The following LYSMD4 variants were observed in gnomAD, a reference collection of about 807,000 sequenced individuals.
LYSMD4 encodes LysM domain containing 4.
A neutral mutation model predicts 6.1 loss-of-function variants in LYSMD4; 9 were observed. The ratio of observed to expected loss-of-function variants is 1.47; its 90% CI spans 0.88 to 2.56. The LOEUF is 2.56. Among genes scored for constraint, LYSMD4 ranks in the 30% most tolerant of loss-of-function variants. The probability of loss-of-function intolerance (pLI) is 0.00; values close to 1 mark genes in which losing one functional copy is unlikely to be tolerated. For synonymous variants in LYSMD4, 143 were observed against 148.5 expected (o/e 0.96, Z 0.27); for missense variants, 384 against 373.5 (o/e 1.03, Z -0.23).
At position 99,729,451 on chromosome 15, in the gene LYSMD4, T is replaced by A; in HGVS notation, c.563A>T (p.His188Leu). 3.1e-6 allele frequency: 5 copies of A among 1,614,224 alleles called. No individual in the cohort carries two copies. Among genetic ancestry groups the A allele is most frequent in the Non-Finnish European group, 4.2e-6 (5 of 1,180,048 alleles). The stretch of plus-strand genomic sequence containing the variant: ...GGAGGTGTCCATGCAGTAACTTTCA[T>A]GTAGAAAGATTTCTGACTGCACTGC... ...ERAVQSEIFL[H>L]ESYCMDTSHQ... Residue 188 changes from histidine (H) to leucine (L), a missense_variant, in exon 3 of 3, where the codon CAT (histidine) becomes CTT (leucine). His to Leu is a moderately conservative substitution (Grantham distance 99, BLOSUM62 -3). Coordinates refer to ENST00000684762, the MANE Select transcript of LYSMD4 (RefSeq NM_001284417.2).
chr15:99,725,043 C>G (rs2059266826), downstream of LYSMD4, among the ~76,000 whole-genome samples: 1 of 152,174 alleles, frequency 6.6e-6, no homozygotes, highest in Admixed American at 6.5e-5. Flanking sequence ...TGGCCTGAGA[C>G]CAGCCATAAC....
At chr15:99,726,146 GTTTTTTTTTTT>G (rs10637642), downstream of LYSMD4, among the ~76,000 whole-genome samples, 2 of 62,164 alleles carry the variant, frequency 3.2e-5, no homozygotes, top group African/African-American at 1.2e-4. Flanking sequence ...GTCTCAAGTG[GTTTTTTTTTTT>G]TTTTTTTTTT....
intron 2 of LYSMD4, among the ~76,000 whole-genome samples, chr15:99,730,554 C>T (rs576060664): frequency 1.3e-5 from 2 of 152,300 alleles, no homozygotes; most frequent in African/African-American, 2.4e-5. Flanking sequence ...GTGAATACAG[C>T]CAACAGATCT....
At chr15:99,723,736 C>T (rs551090509), downstream of LYSMD4, among the ~76,000 whole-genome samples, 1 of 152,188 alleles carries the variant, frequency 6.6e-6, no homozygotes, top group Non-Finnish European at 1.5e-5. Flanking sequence ...TGTCATGCAT[C>T]GCCTGTATCA....
At chr15:99,732,983 A>T in intron 1 of LYSMD4, 1 of 171,130 alleles carries the variant, frequency 5.8e-6, no homozygotes, top group Middle Eastern at 1.9e-3. Flanking sequence ...GTCCGAGCTC[A>T]GGGGCGGCGG....
chr15:99,729,053 A>G lies in LYSMD4; in HGVS notation c.*70T>C, dbSNP rs1370952624. 10 of 1,581,138 alleles carry G rather than the reference A, an allele frequency of 6.3e-6. No homozygotes were observed. The highest frequency in any genetic ancestry group is 3.4e-5 in the Admixed American group (2 of 58,564). On this transcript the variant is annotated 3_prime_UTR_variant, in exon 3 of 3. Transcript: ENST00000684762. ...AAGCAAAATGCAGCACCCCTAGGAC[A>G]TCGCCAGTGACAGCTGAGGCACATC...
chr15:99,726,364 G>A (rs1442098549), downstream of LYSMD4, among the ~76,000 whole-genome samples: 2 of 151,794 alleles, frequency 1.3e-5, no homozygotes, highest in South Asian at 2.1e-4. Context: ...GGCTGGTCTC[G>A]AACTCCTAAC....
Position 99,729,132 on chromosome 15 carries a change from C to T in LYSMD4, c.882G>A (p.Ala294=), listed in dbSNP as rs78996435. The change falls in exon 3 of 3, where the codon GCG becomes GCA. Residue 294 remains alanine (A), a synonymous_variant. Coordinates refer to ENST00000684762, the MANE Select transcript of LYSMD4 (RefSeq NM_001284417.2). ...ADSQFSQTTQ[A]GS ...TCTTTAAAAACAAAGCTTAGCTCCC[C>T]GCTTGGGTGGTCTGACTGAACTGGC... 30 of 1,613,034 alleles carry T rather than the reference C, an allele frequency of 1.9e-5. No homozygotes were observed. The East Asian group carries it at 3.6e-4, about 19-fold the overall frequency.
chr15:99,730,933 T>C (rs1470261175), intron 2 of LYSMD4, among the ~76,000 whole-genome samples: 2 of 152,192 alleles, frequency 1.3e-5, no homozygotes, highest in Non-Finnish European at 2.9e-5. Flanking sequence ...TAAAGACCAC[T>C]ATGTGTCCCC....
chr15:99,729,483 A>AAT lies in LYSMD4; in HGVS notation c.529_530dup (p.Glu178LeufsTer51). The AAT allele has an allele frequency of 1.2e-6, 2 of 1,614,140 alleles. No individual in the cohort carries two copies. The highest frequency in any genetic ancestry group is 1.7e-6 in the Non-Finnish European group (2 of 1,180,026). The stretch of plus-strand genomic sequence containing the variant: ...AGATTTCTGACTGCACTGCACGCTC[A>AAT]ATATCCTGGTCAATCCCCTTAAAGA... On this transcript the variant is annotated frameshift_variant, in exon 3 of 3. Transcript: ENST00000684762. LOFTEE classifies it low-confidence loss of function (END_TRUNC).
downstream of LYSMD4, among the ~76,000 whole-genome samples, chr15:99,724,734 AC>A (rs1198260807): frequency 6.6e-5 from 10 of 152,186 alleles, no homozygotes; most frequent in Non-Finnish European, 1.2e-4. Flanking sequence ...ATGTACAACA[AC>A]CCAGTGTTTT....
At chr15:99,718,823 G>A (rs2059214527), upstream of LYSMD4, among the ~76,000 whole-genome samples, 1 of 151,952 alleles carries the variant, frequency 6.6e-6, no homozygotes. Flanking sequence ...ACCAGATCTG[G>A]GCAATAGATG....
chr15:99,716,650 C>G (rs2059176347), exon 1 of LYSMD4: 1 of 456,542 alleles, frequency 2.2e-6, no homozygotes, highest in Admixed American at 2.3e-5. Context: ...GAAACCGTCC[C>G]AACGCCCCCA....
At chr15:99,715,858 A>G (rs1407289497) in exon 1 of LYSMD4, 1 of 152,306 alleles carries the variant, frequency 6.6e-6, no homozygotes, top group Non-Finnish European at 1.5e-5. Context: ...GGTGGTCCCA[A>G]TCAAAACTCC....
downstream of LYSMD4, among the ~76,000 whole-genome samples, chr15:99,725,436 G>A (rs193299944): frequency 3.8e-4 from 58 of 152,148 alleles, no homozygotes; most frequent in African/African-American, 3.4e-4. Context: ...GAGCCTTTGC[G>A]GCCTCCACGA....
At chr15:99,731,095 G>T in intron 2 of LYSMD4, 3 of 1,378,828 alleles carry the variant, frequency 2.2e-6, no homozygotes, top group Admixed American at 1.7e-5. Context: ...ATACAAATCT[G>T]TAGCACAGTG....
rs8025780 is a variant in LYSMD4, at chr15:99,727,658, T to C, written c.*1465A>G. ...TTTTTATCCTGAAGATCATTCTGGTTTCTAATTTAAGATTGAAGATGATTT... is the reference window on the plus strand; with the variant it reads ...TTTTTATCCTGAAGATCATTCTGGTCTCTAATTTAAGATTGAAGATGATTT... On this transcript the variant is annotated 3_prime_UTR_variant, in exon 3 of 3. Transcript: ENST00000684762. 0.93 allele frequency: 142,364 copies of C among 152,298 alleles called. 67,026 individuals carry two copies. Among genetic ancestry groups the C allele is most frequent in the Non-Finnish European group, 0.99 (67,218 of 68,050 alleles). 9.4% of individuals were successfully genotyped at this position (152,298 alleles called of 1,614,324 possible).
At chr15:99,729,867 T>C (rs1773387593) in intron 2 of LYSMD4, 136 bp from the exon 3 acceptor site, 1 of 1,148,860 alleles carries the variant, frequency 8.7e-7, no homozygotes, top group East Asian at 2.6e-5. Context: ...ACTGGAAAAC[T>C]GCAGCTGTAC....
At position 99,729,198 on chromosome 15, in the gene LYSMD4, G is replaced by A. The variant is rs1416476251; in HGVS notation, c.816C>T (p.Pro272=). The change falls in exon 3 of 3, where the codon CCC becomes CCT. Residue 272 remains proline, a synonymous_variant. Transcript: ENST00000684762. ...MAMGTVPGQA[P]RLAVAVPAVT... ...CGGCTGGCACTGCAACTGCTAGTCT[G>A]GGGGCTTGCCCTGGAACTGTACCCA... The A allele has an allele frequency of 6.2e-7, 1 of 1,614,226 alleles. No homozygotes were observed. Among genetic ancestry groups the A allele is most frequent in the Non-Finnish European group, 8.5e-7 (1 of 1,180,040 alleles).
Sources: allele counts gnomAD v4.1 joint callset (sites outside exome capture counted in the v4.1 genomes callset), GRCh38; gene constraint gnomAD v4.1.1; transcripts MANE v1.5; gene names NCBI Gene and HGNC (gene_info 2026-07-23, HGNC 2026-07-21).